PRORP: variants seen among roughly 807,000 people sequenced by gnomAD.
PRORP encodes protein only RNase P catalytic subunit.
In PRORP, 51 loss-of-function variants were observed where a neutral mutation model predicts 59.4. That is an observed-to-expected ratio of 0.86 (90% CI 0.69 to 1.08). PRORP has a LOEUF of 1.08. PRORP is among the 50% of genes least tolerant of loss of function. The pLI is 0.00. For synonymous variants in PRORP, 231 were observed against 245.6 expected (o/e 0.94, Z 0.55); for missense variants, 646 against 690.3 (o/e 0.94, Z 0.72).
intron 5 of PRORP, among the ~76,000 whole-genome samples, chr14:35,196,686 C>A (rs1566491281): frequency 6.6e-6 from 1 of 152,108 alleles, no homozygotes. Context: ...TCTTACTATT[C>A]ATTTTTCATG....
At chr14:35,154,713 A>C (rs1034978988) in intron 4 of PRORP, among the ~76,000 whole-genome samples, 10 of 151,870 alleles carry the variant, frequency 6.6e-5, no homozygotes, top group Non-Finnish European at 1.5e-4. Context: ...AAAAAAAAAA[A>C]AGAGATGGAG....
chr14:35,215,718 AT>A (rs2049570806), intron 5 of PRORP, among the ~76,000 whole-genome samples: 1 of 151,528 alleles, frequency 6.6e-6, no homozygotes, highest in African/African-American at 2.4e-5. Flanking sequence ...TTGAGCAATT[AT>A]TTCACCACTG....
intron 2 of PRORP, among the ~76,000 whole-genome samples, chr14:35,125,544 T>G (rs2047076352): frequency 6.6e-6 from 1 of 152,196 alleles, no homozygotes; most frequent in Non-Finnish European, 1.5e-5. Context: ...TTAATTTGCT[T>G]CCTAAAAATT....
At position 35,266,807 on chromosome 14, in the gene PRORP, T is replaced by C; in HGVS notation, c.1356T>C (p.Ser452=). The C allele has an allele frequency of 6.2e-7, 1 of 1,614,020 alleles. No individual in the cohort carries two copies. Residue 452 remains serine (S), a synonymous_variant, in exon 6 of 8, where the codon AGT becomes AGC. Transcript: ENST00000534898. ...VLGRKHMLRR[S]SQWSRDEMEE... is the part of the protein sequence containing the mutation. ...GCCGGAAGCACATGCTAAGACGGAGTTCCCAGTGGAGTCGGGATGAGATGG... is the reference window on the plus strand; with the variant it reads ...GCCGGAAGCACATGCTAAGACGGAGCTCCCAGTGGAGTCGGGATGAGATGG...
At chr14:35,244,329 C>T (rs2050432838) in intron 5 of PRORP, among the ~76,000 whole-genome samples, 1 of 152,098 alleles carries the variant, frequency 6.6e-6, no homozygotes, top group African/African-American at 2.4e-5. Flanking sequence ...TATGGTGTTA[C>T]ATACATAATA....
At chr14:35,194,520 C>T (rs1373284119) in intron 5 of PRORP, among the ~76,000 whole-genome samples, 1 of 152,056 alleles carries the variant, frequency 6.6e-6, no homozygotes, top group African/African-American at 2.4e-5. Context: ...GCATCACACA[C>T]CAGGGCCTGT....
intron 5 of PRORP, among the ~76,000 whole-genome samples, chr14:35,191,043 A>G (rs1261055508): frequency 6.6e-6 from 1 of 152,196 alleles, no homozygotes; most frequent in Non-Finnish European, 1.5e-5. Context: ...TCTTACAAAT[A>G]CTTCTGAACA....
upstream of PRORP, chr14:35,121,955 T>C: frequency 1.9e-6 from 3 of 1,614,150 alleles, no homozygotes; most frequent in Non-Finnish European, 2.5e-6. Context: ...TTCTTTCCAG[T>C]CCATGGCCGA....
rs1036709160 is a variant in PRORP, at chr14:35,275,182, A to G, written c.*1616A>G. 1 of 152,198 alleles carries G rather than the reference A, an allele frequency of 6.6e-6. No individual in the cohort carries two copies. The highest frequency in any genetic ancestry group is 2.1e-4 in the South Asian group (1 of 4,836). 9.4% of individuals were successfully genotyped at this position (152,198 alleles called of 1,614,324 possible). ...TATATTAGTTAAAATTCCTCACACT[A>G]AACATTTTAAATTGATATATTTACA... On this transcript the variant is annotated 3_prime_UTR_variant, in exon 8 of 8. Coordinates refer to ENST00000534898, the MANE Select transcript of PRORP (RefSeq NM_014672.4).
intron 4 of PRORP, 22 bp from the exon 5 acceptor site, chr14:35,180,648 T>C: frequency 7.0e-7 from 1 of 1,437,606 alleles, no homozygotes; most frequent in Non-Finnish European, 9.8e-7. Context: ...TATTAATGTT[T>C]TGTCTGACAT....
chr14:35,256,081 T>C (rs547130345), intron 5 of PRORP, among the ~76,000 whole-genome samples: 12 of 151,628 alleles, frequency 7.9e-5, no homozygotes, highest in East Asian at 4.0e-4. Flanking sequence ...GTCAGGAGTT[T>C]GAGACCAGCC....
rs750518468 is a variant in PRORP at position 35,127,638 on chromosome 14, T to C, written c.1167+27T>C. The C allele has an allele frequency of 6.2e-6, 10 of 1,613,176 alleles. No homozygotes were observed. In the Admixed American group the frequency reaches 1.5e-4, roughly 24 times the overall value. ...TGAGTCTAACAAGTTTTATTTCTTC[T>C]TGGATTGCTTGTCTAGAGCAGGGGT... On this transcript the variant is annotated intron_variant, in intron 4 of 7. Coordinates refer to ENST00000534898, the MANE Select transcript of PRORP (RefSeq NM_014672.4).
intron 5 of PRORP, among the ~76,000 whole-genome samples, chr14:35,202,481 AT>A (rs1486566422): frequency 2.6e-5 from 4 of 151,816 alleles, no homozygotes; most frequent in Non-Finnish European, 5.9e-5. Flanking sequence ...TGTATTTTTG[AT>A]TTTTGTTTTT....
intron 4 of PRORP, among the ~76,000 whole-genome samples, chr14:35,141,242 T>C (rs1364685352): frequency 6.9e-6 from 1 of 144,622 alleles, no homozygotes; most frequent in Non-Finnish European, 1.5e-5. Context: ...TTTTTCTTTT[T>C]TTTTTTGTTT....
intron 5 of PRORP, among the ~76,000 whole-genome samples, chr14:35,206,897 G>A (rs879352378): frequency 2.0e-5 from 3 of 152,166 alleles, no homozygotes; most frequent in Non-Finnish European, 2.9e-5. Context: ...TTAGAAGGAC[G>A]ATTAGAAGTT....
chr14:35,243,540 A>G (rs78188157), intron 5 of PRORP, among the ~76,000 whole-genome samples: 5,573 of 152,068 alleles, frequency 0.037, 268 homozygotes, highest in Admixed American at 0.14. Context: ...TGTCTAAAAA[A>G]AAAAAAAAGA....
In PRORP at chr14:35,202,920, C is replaced by T. The variant is rs114064739; in HGVS notation, c.1275+22143C>T. Among the ~76,000 whole-genome samples, 377 of 152,302 alleles carry T rather than the reference C, an allele frequency of 2.5e-3. 2 individuals are homozygous for T. Among genetic ancestry groups the T allele is most frequent in the African/African-American group, 8.5e-3 (353 of 41,578 alleles). On this transcript the variant is annotated intron_variant, in intron 5 of 7. Coordinates refer to ENST00000534898, the MANE Select transcript of PRORP (RefSeq NM_014672.4). Reference sequence around the variant, plus strand: ...AAGTGCTGGGATTACAGGTGTGAGCCAGGGCACTTGGCCTGAAAAGTGGTT... The same window carrying T: ...AAGTGCTGGGATTACAGGTGTGAGCTAGGGCACTTGGCCTGAAAAGTGGTT...
chr14:35,172,809 A>G (rs1415469287), intron 4 of PRORP, among the ~76,000 whole-genome samples: 2 of 150,188 alleles, frequency 1.3e-5, no homozygotes, highest in Admixed American at 1.3e-4. Flanking sequence ...CTCGTGATCC[A>G]CCTGCCTTGG....
At chr14:35,262,443 C>T in intron 5 of PRORP, 2 of 416,280 alleles carry the variant, frequency 4.8e-6, no homozygotes, top group Non-Finnish European at 8.9e-6. Context: ...CTTTCTTTGC[C>T]ATGTCTACTG....
Sources: gnomAD v4.1 joint callset for allele counts (sites outside exome capture counted in the v4.1 genomes callset) on GRCh38, gnomAD v4.1.1 for gene constraint, MANE v1.5 for transcripts, NCBI Gene and HGNC (gene_info 2026-07-23, HGNC 2026-07-21) for gene names.